The following DMD variants were observed in gnomAD, a reference collection of about 807,000 sequenced individuals.
DMD encodes the protein mutant dystrophin.
In DMD, 63 loss-of-function variants were observed where a neutral mutation model predicts 330.1. The observed-to-expected ratio is 0.19, with a 90% confidence interval of 0.16 to 0.24. The LOEUF is 0.24. Among genes scored for constraint, DMD ranks in the 10% least tolerant of loss-of-function variants. The pLI is 1.00. For synonymous variants in DMD, 1,223 were observed against 959.8 expected, an observed-to-expected ratio of 1.27 and a Z score of -5.07; for missense variants, 3,344 against 2,684.1, an observed-to-expected ratio of 1.25 and a Z score of -5.43.
rs140409607 is a variant in DMD, at chrX:33,256,709, T to C, written c.7+82550A>G. 5.7e-3 allele frequency among the ~76,000 whole-genome samples: 627 copies of C among 110,387 alleles called. 2 individuals are homozygous for C. Among genetic ancestry groups the C allele is most frequent in the African/African-American group, 0.017 (526 of 30,626 alleles). ...ATTTTTTGTTTCACCTGAACTAACATGTAGTTAGAGAAATACATTTTAGAA... is the reference window on the plus strand; with the variant it reads ...ATTTTTTGTTTCACCTGAACTAACACGTAGTTAGAGAAATACATTTTAGAA... On this transcript the variant is annotated intron_variant, in intron 1 of 17. Coordinates refer to the DMD transcript ENST00000288447.
chrX:31,238,715 G>A lies in DMD; in HGVS notation c.9287-15594C>T, dbSNP rs760025006. 8.9e-5 allele frequency among the ~76,000 whole-genome samples: 10 copies of A among 111,997 alleles called. No homozygotes were observed. In the South Asian group the frequency reaches 3.0e-3, roughly 34 times the overall value. On this transcript the variant is annotated intron_variant, in intron 63 of 78. Coordinates refer to ENST00000357033, the MANE Select transcript of DMD (RefSeq NM_004006.3). ...CTCTGATGGCCTTCCCCGCTTCTCC[G>A]CTACAGAACAAATGTCTTTCCTTAC...
intron 44 of DMD, among the ~76,000 whole-genome samples, chrX:32,039,025 G>T (rs1186953420): frequency 9.0e-6 from 1 of 111,224 alleles, no homozygotes; most frequent in Non-Finnish European, 1.9e-5. Context: ...GTGTGTTTTA[G>T]ATAAGTTACT....
intron 47 of DMD, among the ~76,000 whole-genome samples, chrX:31,879,211 G>GC (rs1556965824): frequency 1.0e-4 from 10 of 98,430 alleles, no homozygotes; most frequent in Middle Eastern, 5.4e-3. Context: ...CTACATGGCG[G>GC]GGGGGGGCCT....
intron 25 of DMD, among the ~76,000 whole-genome samples, chrX:32,458,922 G>C (rs1472916924): frequency 9.0e-6 from 1 of 110,835 alleles, no homozygotes; most frequent in Admixed American, 9.7e-5. Flanking sequence ...CATATGATTT[G>C]TGAATATTTC....
intron 54 of DMD, among the ~76,000 whole-genome samples, chrX:31,644,632 C>T (rs773177285): frequency 7.1e-5 from 8 of 112,011 alleles, no homozygotes; most frequent in Admixed American, 1.9e-4. Context: ...CAGAACCCAG[C>T]GCAAGCAAGC....
At chrX:33,286,684 C>T in intron 1 of DMD, among the ~76,000 whole-genome samples, 1 of 111,837 alleles carries the variant, frequency 8.9e-6, no homozygotes, top group East Asian at 2.8e-4. Flanking sequence ...TACTTGAGTG[C>T]TTGGCATCCT....
chrX:31,507,285 T>C lies in DMD; in HGVS notation c.8386A>G (p.Ile2796Val). ...TTGCTCCACATCTTTTCCTACCTAA[T>C]GTTGAGAGACTTTTTCCGAAGTTCA... ...WSELRKKSLN[I>V]RSHLEASSDQ... The change falls in exon 56 of 79, where the codon ATT (isoleucine) becomes GTT (valine). Residue 2796 changes from isoleucine (I) to valine (V), a missense_variant. Physicochemically the swap from Ile to Val is conservative, Grantham distance 29. Transcript: ENST00000357033. 8.3e-7 allele frequency: 1 copy of C among 1,211,744 alleles called. No homozygotes were observed. Among genetic ancestry groups the C allele is most frequent in the East Asian group, 3.0e-5 (1 of 33,835 alleles).
chrX:31,950,958 C>G (rs1201437694), intron 45 of DMD, among the ~76,000 whole-genome samples: 1 of 106,136 alleles, frequency 9.4e-6, no homozygotes, highest in Non-Finnish European at 1.9e-5. Flanking sequence ...TTAGTTCACT[C>G]CCATTTACTA....
chrX:32,731,571 G>A (rs1243578283), intron 7 of DMD, among the ~76,000 whole-genome samples: 1 of 112,230 alleles, frequency 8.9e-6, no homozygotes, highest in Admixed American at 9.4e-5. Flanking sequence ...ATCTGAGAAG[G>A]GGCAGACTGC....
intron 12 of DMD, among the ~76,000 whole-genome samples, chrX:32,602,734 C>A (rs2056329316): frequency 9.0e-6 from 1 of 111,346 alleles, no homozygotes; most frequent in South Asian, 3.7e-4. Context: ...CATATGCACA[C>A]AGTCTCTGTA....
chrX:33,225,093 G>T (rs1336619140), intron 1 of DMD, among the ~76,000 whole-genome samples: 2 of 111,266 alleles, frequency 1.8e-5, no homozygotes, highest in Non-Finnish European at 3.8e-5. Context: ...CGTGGATTGA[G>T]AGATTCAACA....
chrX:32,283,215 G>A (rs150721378), intron 43 of DMD, among the ~76,000 whole-genome samples: 2,162 of 111,447 alleles, frequency 0.019, 55 homozygotes, highest in African/African-American at 0.066. Context: ...AGAGCTTCCC[G>A]GCCAAGCCCA....
intron 43 of DMD, among the ~76,000 whole-genome samples, chrX:32,256,605 G>T (rs996226237): frequency 3.6e-5 from 4 of 110,904 alleles, no homozygotes; most frequent in Non-Finnish European, 7.5e-5. Flanking sequence ...TCTTCATAGG[G>T]TCGATGGTCT....
chrX:32,377,627 C>A (rs1338579069), intron 34 of DMD, among the ~76,000 whole-genome samples: 1 of 111,543 alleles, frequency 9.0e-6, no homozygotes, highest in African/African-American at 3.2e-5. Context: ...AATCTGGCTT[C>A]TTTCCAGGAA....
At chrX:33,338,459 CAAAA>C (rs2054287496) in intron 1 of DMD, among the ~76,000 whole-genome samples, 1 of 75,938 alleles carries the variant, frequency 1.3e-5, no homozygotes, top group South Asian at 5.9e-4. Context: ...CATTAAAGGG[CAAAA>C]TAAATAAATA....
At chrX:31,557,673 A>G (rs1273540712) in intron 55 of DMD, among the ~76,000 whole-genome samples, 1 of 112,093 alleles carries the variant, frequency 8.9e-6, no homozygotes, top group African/African-American at 3.2e-5. Context: ...TAGTGCATCA[A>G]AATGTTTGCT....
chrX:31,138,686 A>AGAGAGT (rs745406001), intron 76 of DMD, among the ~76,000 whole-genome samples: 1 of 87,469 alleles, frequency 1.1e-5, no homozygotes, highest in Admixed American at 1.3e-4. Flanking sequence ...AGAGAGAGAG[A>AGAGAGT]GAAGGGGGAA....
chrX:32,440,305 G>A (rs1368299250), intron 28 of DMD, among the ~76,000 whole-genome samples: 2 of 111,488 alleles, frequency 1.8e-5, no homozygotes, highest in Non-Finnish European at 3.8e-5. Flanking sequence ...CTACTTCATT[G>A]TACTTTAATA....
chrX:32,890,120 C>T (rs1021260961), intron 2 of DMD, among the ~76,000 whole-genome samples: 3 of 111,185 alleles, frequency 2.7e-5, no homozygotes, highest in East Asian at 2.8e-4. Flanking sequence ...CAAAGCAAAC[C>T]GGTAATAAAT....
Sources: allele counts gnomAD v4.1 joint callset (sites outside exome capture counted in the v4.1 genomes callset), GRCh38; gene constraint gnomAD v4.1.1; transcripts MANE v1.5; gene names NCBI Gene and HGNC (gene_info 2026-07-23, HGNC 2026-07-21).